Variants in NPFFR1 observed in about 807,000 individuals in gnomAD.
NPFFR1 encodes neuropeptide FF receptor 1.
In NPFFR1, 17 loss-of-function variants were observed where a neutral mutation model predicts 12.7. The ratio of observed to expected loss-of-function variants is 1.34; its 90% confidence interval spans 0.92 to 2.01. The LOEUF (loss-of-function observed/expected upper bound fraction) is 2.01. Ranked by LOEUF, NPFFR1 falls within the 30% of genes most tolerant of loss-of-function variation. The pLI, the probability that NPFFR1 is intolerant of heterozygous loss-of-function variation, is 0.00. For synonymous variants in NPFFR1, 296 were observed against 264.5 expected (o/e 1.12, Z -1.16); for missense variants, 604 against 606.5 (o/e 1.00, Z 0.04).
At position 70,254,861 on chromosome 10, in the gene NPFFR1, C is replaced by T; in HGVS notation, c.*96G>A. On this transcript the variant is annotated 3_prime_UTR_variant, in exon 4 of 4. Coordinates refer to ENST00000277942, the MANE Select transcript of NPFFR1 (RefSeq NM_022146.5). ...CCTGGCTCTGGAGAGGGAGGGACCA[C>T]GCATCCTCACCTAACCACACCAGGC... 9 of 1,283,710 alleles carry T rather than the reference C, an allele frequency of 7.0e-6. No homozygotes were observed. The highest frequency in any genetic ancestry group is 2.3e-5 in the South Asian group (1 of 43,448). The allele number at this position is 1,283,710 out of a possible 1,614,324, so 79.5% of individuals were successfully genotyped here.
chr10:70,277,527 T>C (rs1418526879), intron 1 of NPFFR1, among the ~76,000 whole-genome samples: 1 of 152,230 alleles, frequency 6.6e-6, no homozygotes, highest in Non-Finnish European at 1.5e-5. Context: ...CTCTAAGATC[T>C]ACTGTGTCCT....
At chr10:70,275,027 A>G (rs1589915724) in intron 1 of NPFFR1, among the ~76,000 whole-genome samples, 1 of 152,130 alleles carries the variant, frequency 6.6e-6, no homozygotes, top group Non-Finnish European at 1.5e-5. Context: ...CATCCCAGGC[A>G]CCCACCACAG....
intron 3 of NPFFR1, among the ~76,000 whole-genome samples, chr10:70,257,076 G>A (rs1216846211): frequency 6.6e-6 from 1 of 152,158 alleles, no homozygotes; most frequent in Admixed American, 6.5e-5. Context: ...AGACCAGCCT[G>A]GGAAACATGG....
chr10:70,255,005 C>A lies in NPFFR1; in HGVS notation c.1245G>T (p.Gly415=). The change falls in exon 4 of 4, where the codon GGG becomes GGT. Residue 415 remains glycine, a synonymous_variant. Coordinates refer to ENST00000277942, the MANE Select transcript of NPFFR1 (RefSeq NM_022146.5). The surrounding 1 kb of genome is among the most constrained non-coding windows in gnomAD (Gnocchi z 4.2). ...RVAHHGLPRE[G]PGCSHLPLTI... ...TGAGGGGCAGGTGGGAGCAGCCAGG[C>A]CCTTCCCTGGGCAAGCCGTGGTGAG... is the stretch of plus-strand genomic sequence containing the variant. The A allele has an allele frequency of 1.4e-6, 2 of 1,447,120 alleles. No individual in the cohort carries two copies. The highest frequency in any genetic ancestry group is 1.5e-5 in the South Asian group (1 of 67,338). The allele number at this position is 1,447,120 out of a possible 1,614,324, so 89.6% of individuals were successfully genotyped here.
At chr10:70,277,815 C>A (rs371390442) in intron 1 of NPFFR1, 3 of 451,028 alleles carry the variant, frequency 6.7e-6, no homozygotes, top group Non-Finnish European at 1.3e-5. Context: ...TGACTTGTCC[C>A]ACAGCATAAC....
chr10:70,264,521 T>C (rs986388478), intron 2 of NPFFR1, among the ~76,000 whole-genome samples: 12 of 151,352 alleles, frequency 7.9e-5, no homozygotes, highest in African/African-American at 2.9e-4. Context: ...TTGGTGAAAA[T>C]AGTGAGAAAC....
rs1840513246 is a variant in NPFFR1, at chr10:70,251,666, T to G, written c.*3291A>C. 6.6e-6 allele frequency: 1 copy of G among 152,232 alleles called. No homozygotes were observed. Among genetic ancestry groups the G allele is most frequent in the Non-Finnish European group, 1.5e-5 (1 of 68,054 alleles). The allele number at this position is 152,232 out of a possible 1,614,324, so 9.4% of individuals were successfully genotyped here. Reference sequence around the variant, plus strand: ...CGTTCATCTCCGAACTTGCCGCTTATGAAAGGGCAGTCACCTTAGGAAACC... The same window carrying G: ...CGTTCATCTCCGAACTTGCCGCTTAGGAAAGGGCAGTCACCTTAGGAAACC... On this transcript the variant is annotated 3_prime_UTR_variant, in exon 4 of 4. Transcript: ENST00000277942.
intron 3 of NPFFR1, 142 bp downstream of exon 3, chr10:70,260,498 C>G: frequency 1.3e-6 from 1 of 748,546 alleles, no homozygotes; most frequent in South Asian, 1.7e-5. Context: ...GCCCAGGGCC[C>G]TTCTCCTTGT....
At position 70,255,545 on chromosome 10, in the gene NPFFR1, C is replaced by T. The variant is rs780774461; in HGVS notation, c.705G>A (p.Met235Ile). Residue 235 changes from methionine (M) to isoleucine (I), a missense_variant, in exon 4 of 4, where the codon ATG (methionine) becomes ATA (isoleucine). By Grantham distance (10) the Met-to-Ile change is conservative. Coordinates refer to ENST00000277942, the MANE Select transcript of NPFFR1 (RefSeq NM_022146.5). The surrounding 1 kb of genome is among the most constrained non-coding windows in gnomAD (Gnocchi z 4.2). Reference protein sequence around the residue: ...YLAPLALIVVMYARIARKLCQ... With the variant: ...YLAPLALIVVIYARIARKLCQ... ...AGAGCTTGCGCGCGATGCGGGCGTACATGACCACGATGAGCGCCAGCGGCG... is the reference window on the plus strand; with the variant it reads ...AGAGCTTGCGCGCGATGCGGGCGTATATGACCACGATGAGCGCCAGCGGCG... 1.3e-6 allele frequency: 2 copies of T among 1,550,454 alleles called. No homozygotes were observed. Among genetic ancestry groups the T allele is most frequent in the Non-Finnish European group, 8.7e-7 (1 of 1,146,774 alleles).
At chr10:70,274,793 T>C (rs1840784948) in intron 1 of NPFFR1, among the ~76,000 whole-genome samples, 1 of 152,262 alleles carries the variant, frequency 6.6e-6, no homozygotes, top group Admixed American at 6.5e-5. Flanking sequence ...GACTGCTTAT[T>C]GACTGCATTA....
In NPFFR1 at chr10:70,249,140, TG is replaced by T. The variant is rs1840484055; in HGVS notation, c.*5816del. 6.6e-6 allele frequency: 1 copy of T among 152,220 alleles called. No homozygotes were observed. Among genetic ancestry groups the T allele is most frequent in the Non-Finnish European group, 1.5e-5 (1 of 68,088 alleles). The allele number at this position is 152,220 out of a possible 1,614,324, so 9.4% of individuals were successfully genotyped here. ...TTGGTGGAGCATGGTGGCTCGCGCC[TG>T]TAATCCCAGCACTTTGGGAGGCCGA... On this transcript the variant is annotated 3_prime_UTR_variant, in exon 4 of 4. Coordinates refer to ENST00000277942, the MANE Select transcript of NPFFR1 (RefSeq NM_022146.5).
At position 70,265,411 on chromosome 10, in the gene NPFFR1, T is replaced by C. The variant is rs1290979479; in HGVS notation, c.322+666A>G. ...TGAGAGAGTAGAGAGTAGATGGCAC[T>C]GTTCTGACATCTGCAGGATGCACCG... On this transcript the variant is annotated intron_variant, in intron 2 of 3. Coordinates refer to ENST00000277942, the MANE Select transcript of NPFFR1 (RefSeq NM_022146.5). 3.3e-5 allele frequency among the ~76,000 whole-genome samples: 5 copies of C among 152,230 alleles called. No individual in the cohort carries two copies. In the East Asian group the frequency reaches 9.6e-4, roughly 29 times the overall value.
At chr10:70,276,842 C>T (rs1840810370) in intron 1 of NPFFR1, among the ~76,000 whole-genome samples, 2 of 152,142 alleles carry the variant, frequency 1.3e-5, no homozygotes, top group Non-Finnish European at 2.9e-5. Context: ...CTGACTCAGC[C>T]TCCCAAAGTG....
At chr10:70,280,493 A>AT (rs1363138185) in intron 1 of NPFFR1, among the ~76,000 whole-genome samples, 3 of 152,098 alleles carry the variant, frequency 2.0e-5, no homozygotes, top group Non-Finnish European at 4.4e-5. Flanking sequence ...GATATTGGGC[A>AT]TTTTTTCATA....
intron 2 of NPFFR1, among the ~76,000 whole-genome samples, chr10:70,264,411 TG>T (rs1293931242): frequency 1.3e-5 from 2 of 148,312 alleles, no homozygotes; most frequent in African/African-American, 5.0e-5. Flanking sequence ...ATAGTGAAGC[TG>T]TGTGAAGTTT....
At chr10:70,268,880 G>A (rs1361079073) in intron 1 of NPFFR1, among the ~76,000 whole-genome samples, 1 of 152,194 alleles carries the variant, frequency 6.6e-6, no homozygotes, top group African/African-American at 2.4e-5. Context: ...ATATAGCATT[G>A]CAGAAGAGGT....
In NPFFR1 at chr10:70,252,897, AGAG is replaced by A. The variant is rs1036985415; in HGVS notation, c.*2057_*2059del. On this transcript the variant is annotated 3_prime_UTR_variant, in exon 4 of 4. Coordinates refer to ENST00000277942, the MANE Select transcript of NPFFR1 (RefSeq NM_022146.5). ...CTATGCTAAAGGAGAAACACACCCC[AGAG>A]GAGACACCAGGTGGTGTCTTCAGAC... 2.0e-5 allele frequency: 3 copies of A among 152,270 alleles called. No individual in the cohort carries two copies. Among genetic ancestry groups the A allele is most frequent in the African/African-American group, 7.2e-5 (3 of 41,544 alleles). 9.4% of individuals were successfully genotyped at this position (152,270 alleles called of 1,614,324 possible).
intron 3 of NPFFR1, among the ~76,000 whole-genome samples, chr10:70,256,454 G>A: frequency 6.6e-6 from 1 of 152,154 alleles, no homozygotes; most frequent in Non-Finnish European, 1.5e-5. Flanking sequence ...GTCTGTCCTC[G>A]ACAAGGACGA....
chr10:70,256,308 T>C (rs1017792013), intron 3 of NPFFR1, among the ~76,000 whole-genome samples: 3 of 152,204 alleles, frequency 2.0e-5, no homozygotes, highest in African/African-American at 7.2e-5. Flanking sequence ...TCTCAAAGTC[T>C]TGGGCTCAAG....
Sources: allele counts gnomAD v4.1 joint callset (sites outside exome capture counted in the v4.1 genomes callset), GRCh38; gene constraint gnomAD v4.1.1; non-coding constraint Gnocchi (gnomAD v3.1); transcripts MANE v1.5; gene names NCBI Gene and HGNC (gene_info 2026-07-23, HGNC 2026-07-21).